GSN: variants seen among roughly 807,000 people sequenced by gnomAD.
GSN encodes gelsolin.
In GSN, 56 loss-of-function variants were observed where a neutral mutation model predicts 85.7. That is an observed-to-expected ratio of 0.65 (90% CI 0.53 to 0.82). GSN has a LOEUF of 0.82. GSN is among the 40% of genes least tolerant of loss of function. The pLI, the probability that GSN is intolerant of heterozygous loss-of-function variation, is 0.00. For synonymous variants in GSN, 373 were observed against 399.1 expected (o/e 0.93, Z 0.78); for missense variants, 857 against 979.8 (o/e 0.87, Z 1.67).
intron 4 of GSN, among the ~76,000 whole-genome samples, chr9:121,213,735 C>T (rs1376994124): frequency 6.6e-6 from 1 of 152,148 alleles, no homozygotes; most frequent in African/African-American, 2.4e-5. Context: ...GCCCTTAGAG[C>T]CCCCACATGT....
chr9:121,320,787 C>T (rs533622801), intron 10 of GSN, among the ~76,000 whole-genome samples: 1 of 152,296 alleles, frequency 6.6e-6, no homozygotes, highest in East Asian at 1.9e-4. Context: ...CCCTTTGTGC[C>T]GGGCCCTGTG....
In GSN at chr9:121,286,196, C is replaced by T. The variant is rs1399682772; in HGVS notation, c.-10+4634C>T. On this transcript the variant is annotated intron_variant, in intron 2 of 17. Coordinates refer to ENST00000432226, the MANE Select transcript of GSN (RefSeq NM_198252.3). ...AATTCTGACCCATGGGTGAGTAGCA[C>T]GGGATCTGGGGTGGTCCCCGAAGCC... 20 of 1,512,142 alleles carry T rather than the reference C, an allele frequency of 1.3e-5. No individual in the cohort carries two copies. In the East Asian group the frequency reaches 2.0e-4, roughly 15 times the overall value. The allele number at this position is 1,512,142 out of a possible 1,614,324, so 93.7% of individuals were successfully genotyped here.
intron 11 of GSN, among the ~76,000 whole-genome samples, chr9:121,321,907 A>G (rs2062514171): frequency 6.6e-6 from 1 of 151,882 alleles, no homozygotes. Context: ...ATGCCTGGCT[A>G]ATTTTTTGTA....
intron 4 of GSN, among the ~76,000 whole-genome samples, chr9:121,224,079 A>G (rs913286198): frequency 6.6e-6 from 1 of 151,936 alleles, no homozygotes; most frequent in Non-Finnish European, 1.5e-5. Flanking sequence ...TATCGGTGTT[A>G]TTTGAATATA....
In GSN at chr9:121,299,451, A is replaced by G. The variant is rs1266823026; in HGVS notation, c.-9-2512A>G. 41 of 984,946 alleles carry G rather than the reference A, an allele frequency of 4.2e-5. No homozygotes were observed. Among genetic ancestry groups the G allele is most frequent in the Non-Finnish European group, 4.7e-5 (39 of 829,574 alleles). 61.0% of individuals were successfully genotyped at this position (984,946 alleles called of 1,614,324 possible). A position where few individuals can be genotyped will look rare whatever the true frequency, so the allele number is the denominator to read the frequency against. On this transcript the variant is annotated intron_variant, in intron 2 of 17. Coordinates refer to ENST00000432226, the MANE Select transcript of GSN (RefSeq NM_198252.3). The surrounding 1 kb of genome is among the most constrained non-coding windows in gnomAD (Gnocchi z 4.2). ...GTTGGCCGTTGTACCCTCTCTGAAA[A>G]GGATGTGCTGATGCCTCGGTGAAAA... is the stretch of plus-strand genomic sequence containing the variant.
chr9:121,274,845 G>A (rs186753820), intron 1 of GSN, among the ~76,000 whole-genome samples: 2 of 152,326 alleles, frequency 1.3e-5, no homozygotes, highest in African/African-American at 2.4e-5. Context: ...AGGATGAGGG[G>A]TTCTGGCTAA....
Position 121,329,305 on chromosome 9 carries a change from C to G in GSN, c.1955C>G (p.Thr652Ser). ...ACGGATGACGTCATGCTTCTGGACA[C>G]CTGGGACCAGGTGGGTGAAGGACAG... ...LATDDVMLLD[T>S]WDQVFVWVGK... The change falls in exon 16 of 18, where the codon ACC becomes AGC. Residue 652 changes from threonine to serine, a missense_variant. Coordinates refer to ENST00000432226, the MANE Select transcript of GSN (RefSeq NM_198252.3). This position sits in a 1 kb window ranked among gnomAD's most constrained non-coding sequence, Gnocchi z 4.6. 1 of 1,600,714 alleles carries G rather than the reference C, an allele frequency of 6.2e-7. No individual in the cohort carries two copies.
At position 121,288,946 on chromosome 9, in the gene GSN, C is replaced by T. The variant is rs180681500; in HGVS notation, c.-10+7384C>T. 8.7e-3 allele frequency among the ~76,000 whole-genome samples: 1,321 copies of T among 152,274 alleles called. 10 individuals carry two copies. The highest frequency in any genetic ancestry group is 0.014 in the Non-Finnish European group (937 of 68,018). On this transcript the variant is annotated intron_variant, in intron 2 of 17. Coordinates refer to ENST00000432226, the MANE Select transcript of GSN (RefSeq NM_198252.3). ...AGCAAGAGGAACGCAGGGCCTGCTA[C>T]GTGGCACAGTCACAGGGTATGTGAC...
chr9:121,271,492 G>A (rs1339967953), intron 1 of GSN, among the ~76,000 whole-genome samples: 1 of 152,328 alleles, frequency 6.6e-6, no homozygotes, highest in Non-Finnish European at 1.5e-5. Context: ...AACTGAGTCC[G>A]AGGCTGAATA....
intron 1 of GSN, among the ~76,000 whole-genome samples, chr9:121,273,194 G>T (rs995085131): frequency 6.6e-6 from 1 of 152,174 alleles, no homozygotes; most frequent in Non-Finnish European, 1.5e-5. Flanking sequence ...GAGTGGATTC[G>T]TTTATTCTGC....
intron 2 of GSN, among the ~76,000 whole-genome samples, chr9:121,290,591 G>C (rs752882871): frequency 2.0e-5 from 3 of 152,084 alleles, no homozygotes; most frequent in Non-Finnish European, 4.4e-5. Flanking sequence ...TATATAACGC[G>C]ATGTTATGAA....
intron 5 of GSN, 93 bp from the exon 6 acceptor site, chr9:121,312,246 C>A: frequency 7.3e-7 from 1 of 1,370,658 alleles, no homozygotes; most frequent in Non-Finnish European, 1.0e-6. Context: ...ACAGGGTGAG[C>A]CTGCACACCA....
At chr9:121,246,665 T>C (rs1194460665) in intron 5 of GSN, among the ~76,000 whole-genome samples, 7 of 151,940 alleles carry the variant, frequency 4.6e-5, no homozygotes, top group African/African-American at 1.7e-4. Flanking sequence ...CCAGCTCTCA[T>C]CGCCGCTCTT....
chr9:121,292,985 C>T (rs754030281), intron 2 of GSN, among the ~76,000 whole-genome samples: 7 of 152,184 alleles, frequency 4.6e-5, no homozygotes, highest in Admixed American at 1.3e-4. Context: ...ACAATGGGCT[C>T]ACACTTCCTG....
intron 4 of GSN, among the ~76,000 whole-genome samples, chr9:121,217,532 C>T (rs918342058): frequency 6.6e-6 from 1 of 151,952 alleles, no homozygotes; most frequent in Non-Finnish European, 1.5e-5. Context: ...TCCTCCCAAC[C>T]TAAACCCTCC....
At chr9:121,267,262 T>C (rs1270828581), upstream of GSN, among the ~76,000 whole-genome samples, 1 of 152,246 alleles carries the variant, frequency 6.6e-6, no homozygotes, top group Non-Finnish European at 1.5e-5. Flanking sequence ...CTCAAATGCA[T>C]ATGAGATGTT....
chr9:121,221,244 T>G (rs2054164931), intron 4 of GSN, among the ~76,000 whole-genome samples: 1 of 152,306 alleles, frequency 6.6e-6, no homozygotes, highest in East Asian at 1.9e-4. Flanking sequence ...TCCCTTTACA[T>G]AACAAAAGTC....
Position 121,286,146 on chromosome 9 carries a change from G to A in GSN, c.-10+4584G>A. The stretch of plus-strand genomic sequence containing the variant: ...ACATAGCTCCCCCCAGCCTCGCGAT[G>A]GCCGAGGAAGAAGCCCTCAGGGGCA... On this transcript the variant is annotated intron_variant, in intron 2 of 17. Coordinates refer to ENST00000432226, the MANE Select transcript of GSN (RefSeq NM_198252.3). 3.9e-6 allele frequency: 6 copies of A among 1,535,552 alleles called. No homozygotes were observed. The highest frequency in any genetic ancestry group is 5.2e-6 in the Non-Finnish European group (6 of 1,146,782).
intron 5 of GSN, among the ~76,000 whole-genome samples, chr9:121,231,667 G>C (rs1163776658): frequency 6.6e-6 from 1 of 152,204 alleles, no homozygotes; most frequent in Non-Finnish European, 1.5e-5. Flanking sequence ...AGTGACCACA[G>C]AGTCCTACAG....
Sources: allele counts gnomAD v4.1 joint callset (sites outside exome capture counted in the v4.1 genomes callset), GRCh38; gene constraint gnomAD v4.1.1; non-coding constraint Gnocchi (gnomAD v3.1); transcripts MANE v1.5; gene names NCBI Gene and HGNC (gene_info 2026-07-23, HGNC 2026-07-21).